Variants in NCOR2 observed in about 807,000 individuals in gnomAD.
NCOR2 encodes the protein nuclear receptor corepressor 2.
NCOR2 carries 81 observed loss-of-function variants against 262.9 expected under a neutral mutation model. The observed-to-expected ratio is 0.31, with a 90% CI of 0.26 to 0.37. The LOEUF is 0.37. NCOR2 is among the 10% of genes least tolerant of loss of function. The pLI is 1.00. For missense variants in NCOR2, 3,385 were observed against 3,621.4 expected, an observed-to-expected ratio of 0.93 and a Z score of 1.68; for synonymous variants, 1,659 against 1,559.3, an observed-to-expected ratio of 1.06 and a Z score of -1.51.
At chr12:124,421,056 A>G (rs1421938030) in intron 12 of NCOR2, among the ~76,000 whole-genome samples, 2 of 152,234 alleles carry the variant, frequency 1.3e-5, no homozygotes, top group Non-Finnish European at 2.9e-5. Flanking sequence ...CTCCTTTAAC[A>G]ATTCAAGAGA....
At chr12:124,487,677 G>T (rs547040507) in intron 1 of NCOR2, among the ~76,000 whole-genome samples, 90 of 152,344 alleles carry the variant, frequency 5.9e-4, no homozygotes, top group Non-Finnish European at 1.0e-3. Context: ...GCTGAGCCTG[G>T]TCTCTCTCCC....
chr12:124,367,392 T>C (rs1393289834), intron 20 of NCOR2, among the ~76,000 whole-genome samples: 1 of 151,984 alleles, frequency 6.6e-6, no homozygotes, highest in Non-Finnish European at 1.5e-5. Context: ...AGCTCTCTCA[T>C]GGGTAAAGAA....
rs1469787486 is a variant in NCOR2, at chr12:124,503,459, A to C, written c.-117-8091T>G. On this transcript the variant is annotated intron_variant, in intron 1 of 46. Coordinates refer to the NCOR2 transcript ENST00000404621. This position sits in a 1 kb window ranked among gnomAD's most constrained non-coding sequence, Gnocchi z 4.3. ...TGGATAGAGAAAGGAGGAAGGATGC[A>C]TGGACTGATGGATGGATGGATGGAT... 2.7e-5 allele frequency among the ~76,000 whole-genome samples: 4 copies of C among 146,858 alleles called. No individual in the cohort carries two copies. The highest frequency in any genetic ancestry group is 2.7e-4 in the Admixed American group (4 of 14,804).
chr12:124,454,937 G>C lies in NCOR2; in HGVS notation c.762+2169C>G, dbSNP rs988919912. Among the ~76,000 whole-genome samples, 1 of 152,088 alleles carries C rather than the reference G, an allele frequency of 6.6e-6. No homozygotes were observed. The highest frequency in any genetic ancestry group is 2.4e-5 in the African/African-American group (1 of 41,400). Reference sequence around the variant, plus strand: ...ACTGATGAGTGGGTAAACAACACGTGACCTACCCCTACAGTGAAATATGAT... The same window carrying C: ...ACTGATGAGTGGGTAAACAACACGTCACCTACCCCTACAGTGAAATATGAT... On this transcript the variant is annotated intron_variant, in intron 6 of 46. Coordinates refer to ENST00000405201, the Ensembl canonical transcript of NCOR2. This position sits in a 1 kb window ranked among gnomAD's most constrained non-coding sequence, Gnocchi z 5.6.
exon 7 of NCOR2, chr12:124,449,834 A>G: frequency 6.2e-7 from 1 of 1,614,060 alleles, no homozygotes; most frequent in Non-Finnish European, 8.5e-7. Context: ...TTCTCATGAT[A>G]CTGCCGGGTG....
chr12:124,330,394 T>C (rs2035077773), intron 44 of NCOR2, among the ~76,000 whole-genome samples: 1 of 152,258 alleles, frequency 6.6e-6, no homozygotes. Context: ...ACACCTGTAT[T>C]TGATCTTGAA....
At chr12:124,399,048 A>C (rs1358164379) in intron 15 of NCOR2, among the ~76,000 whole-genome samples, 2 of 152,168 alleles carry the variant, frequency 1.3e-5, no homozygotes, top group East Asian at 3.9e-4. Flanking sequence ...CCATGGACTC[A>C]GCACCTGGAA....
At chr12:124,350,983 G>T (rs1772284830) in intron 27 of NCOR2, among the ~76,000 whole-genome samples, 1 of 152,190 alleles carries the variant, frequency 6.6e-6, no homozygotes, top group African/African-American at 2.4e-5. Context: ...CTATGGATTT[G>T]CTCATTTAAT....
chr12:124,547,587 C>A (rs2051579406), intron 1 of NCOR2, among the ~76,000 whole-genome samples: 1 of 152,176 alleles, frequency 6.6e-6, no homozygotes, highest in South Asian at 2.1e-4. Flanking sequence ...CAGTGCTGTG[C>A]GACCATCACC....
chr12:124,335,250 T>C (rs770321544), exon 40 of NCOR2: 2 of 1,606,978 alleles, frequency 1.2e-6, no homozygotes, highest in Non-Finnish European at 1.7e-6. Context: ...GTGTGGGAGG[T>C]GGGCGGCCTC....
At chr12:124,341,671 C>G (rs538044757) in intron 34 of NCOR2, 152 bp downstream of exon 36, 6 of 1,206,886 alleles carry the variant, frequency 5.0e-6, no homozygotes, top group South Asian at 4.5e-5. Context: ...ACCCACAGCA[C>G]GCACAACCCC....
intron 1 of NCOR2, among the ~76,000 whole-genome samples, chr12:124,500,907 A>G (rs2048669033): frequency 6.6e-6 from 1 of 152,142 alleles, no homozygotes; most frequent in Admixed American, 6.5e-5. Flanking sequence ...GGAGGATGAA[A>G]GGCACGCGGG....
intron 1 of NCOR2, among the ~76,000 whole-genome samples, chr12:124,543,688 T>G (rs1336492446): frequency 6.6e-6 from 1 of 152,124 alleles, no homozygotes; most frequent in Non-Finnish European, 1.5e-5. Flanking sequence ...CGACCGCTTT[T>G]GGGAGGGAAG....
At chr12:124,372,275 C>T in exon 20 of NCOR2, 1 of 1,565,944 alleles carries the variant, frequency 6.4e-7, no homozygotes, top group Non-Finnish European at 8.6e-7. Context: ...GTGTCCACTG[C>T]CAGCTCCTCA....
At chr12:124,350,870 A>C (rs906350638) in intron 27 of NCOR2, 133 bp from the exon 30 acceptor site, 2 of 938,184 alleles carry the variant, frequency 2.1e-6, no homozygotes, top group Middle Eastern at 3.3e-4. Flanking sequence ...ACACTGTCTC[A>C]AATAGGTAAG....
chr12:124,333,850 GTGTGCA>G (rs2035505054), intron 41 of NCOR2, among the ~76,000 whole-genome samples: 1 of 80,710 alleles, frequency 1.2e-5, no homozygotes, highest in Non-Finnish European at 2.6e-5. Flanking sequence ...CTGTGTGCGG[GTGTGCA>G]TGTGTGTGTG....
chr12:124,330,742 CA>C, intron 44 of NCOR2, 102 bp downstream of exon 46: 1 of 1,303,114 alleles, frequency 7.7e-7, no homozygotes, highest in South Asian at 1.3e-5. Flanking sequence ...GGGGTACACC[CA>C]GACTAGCGAA....
At chr12:124,371,977 T>G (rs373962597) in intron 20 of NCOR2, 45 bp downstream of exon 22, 74 of 1,523,928 alleles carry the variant, frequency 4.9e-5, no homozygotes, top group Non-Finnish European at 6.1e-5. Flanking sequence ...CTGCTCAGTG[T>G]CTGCAGACAA....
At chr12:124,492,439 C>G (rs1296851334) in intron 1 of NCOR2, among the ~76,000 whole-genome samples, 1 of 152,142 alleles carries the variant, frequency 6.6e-6, no homozygotes. Context: ...CAGCCCCGTG[C>G]CCAAAGCACC....
Sources: allele counts gnomAD v4.1 joint callset (sites outside exome capture counted in the v4.1 genomes callset), GRCh38; gene constraint gnomAD v4.1.1; non-coding constraint Gnocchi (gnomAD v3.1); transcripts MANE v1.5; gene names NCBI Gene and HGNC (gene_info 2026-07-23, HGNC 2026-07-21).